Variants in LRP12 observed in about 807,000 individuals in gnomAD.
LRP12 encodes the protein low-density lipoprotein receptor-related protein 12.
LRP12 carries 14 observed loss-of-function variants against 66.0 expected under a neutral mutation model. The observed-to-expected ratio is 0.21, with a 90% CI of 0.14 to 0.33. LRP12 has a LOEUF of 0.33. Among genes scored for constraint, LRP12 ranks in the 10% least tolerant of loss-of-function variants. The probability of loss-of-function intolerance (pLI) is 1.00; values close to 1 mark genes in which losing one functional copy is unlikely to be tolerated. For synonymous variants in LRP12, 357 were observed against 359.1 expected, an observed-to-expected ratio of 0.99 and a Z score of 0.07; for missense variants, 889 against 1,053.4, an observed-to-expected ratio of 0.84 and a Z score of 2.16.
intron 1 of LRP12, among the ~76,000 whole-genome samples, chr8:104,556,862 C>A (rs1811817953): frequency 1.3e-5 from 2 of 152,094 alleles, no homozygotes; most frequent in African/African-American, 4.8e-5. Context: ...CAAAAACCCC[C>A]AACAAAATAC....
intron 1 of LRP12, among the ~76,000 whole-genome samples, chr8:104,564,454 A>C (rs1248109138): frequency 6.6e-6 from 1 of 152,070 alleles, no homozygotes; most frequent in East Asian, 1.9e-4. Flanking sequence ...TTATGTACAA[A>C]ATTTTCTGTG....
intron 2 of LRP12, among the ~76,000 whole-genome samples, chr8:104,529,023 G>T (rs1312570780): frequency 6.6e-6 from 1 of 152,150 alleles, no homozygotes; most frequent in Non-Finnish European, 1.5e-5. Context: ...CACACATTTT[G>T]TTATGGCCTG....
At chr8:104,512,162 C>A (rs1365990966) in intron 2 of LRP12, among the ~76,000 whole-genome samples, 1 of 152,076 alleles carries the variant, frequency 6.6e-6, no homozygotes, top group Non-Finnish European at 1.5e-5. Context: ...ACTAAAAGTA[C>A]AGAAATTAGC....
At chr8:104,560,071 A>G (rs968071835) in intron 1 of LRP12, among the ~76,000 whole-genome samples, 10 of 152,180 alleles carry the variant, frequency 6.6e-5, no homozygotes, top group Non-Finnish European at 1.2e-4. Context: ...GTCTTATTAT[A>G]AAGATCATGC....
At chr8:104,573,162 A>G (rs944313963) in intron 1 of LRP12, among the ~76,000 whole-genome samples, 3 of 152,184 alleles carry the variant, frequency 2.0e-5, no homozygotes, top group Non-Finnish European at 2.9e-5. Flanking sequence ...CATCCTTTGT[A>G]CCTGGGCAAA....
At chr8:104,555,638 C>A (rs1035882411) in intron 1 of LRP12, among the ~76,000 whole-genome samples, 1 of 152,116 alleles carries the variant, frequency 6.6e-6, no homozygotes, top group East Asian at 1.9e-4. Context: ...ATGCACCTAA[C>A]ACTGGAGCTC....
intron 1 of LRP12, among the ~76,000 whole-genome samples, chr8:104,575,029 A>G (rs6468937): frequency 0.057 from 8,664 of 152,192 alleles, 684 homozygotes; most frequent in African/African-American, 0.18. Flanking sequence ...TAAGGCAGGC[A>G]GAGGGAACAG....
intron 1 of LRP12, among the ~76,000 whole-genome samples, chr8:104,547,680 G>A (rs1159140635): frequency 1.7e-5 from 2 of 119,490 alleles, no homozygotes; most frequent in African/African-American, 6.7e-5. Flanking sequence ...ATTATATTTT[G>A]TATAATATAA....
intron 1 of LRP12, among the ~76,000 whole-genome samples, chr8:104,572,686 A>C (rs1270738852): frequency 6.6e-6 from 1 of 152,030 alleles, no homozygotes; most frequent in Admixed American, 6.5e-5. Context: ...TATAAATTTA[A>C]AGCAAATATG....
intron 2 of LRP12, among the ~76,000 whole-genome samples, chr8:104,530,348 G>A (rs1473959695): frequency 1.3e-5 from 2 of 152,102 alleles, no homozygotes; most frequent in South Asian, 2.1e-4. Context: ...GGTAACTGAG[G>A]TTAAATGAGG....
intron 1 of LRP12, among the ~76,000 whole-genome samples, chr8:104,564,633 A>G (rs1189558132): frequency 1.3e-5 from 2 of 152,078 alleles, no homozygotes; most frequent in African/African-American, 4.8e-5. Context: ...TCATTATGAA[A>G]AAAAAAAGAA....
In LRP12 at chr8:104,535,514, G is replaced by A. The variant is rs77378075; in HGVS notation, c.80-3551C>T. Among the ~76,000 whole-genome samples, 1,667 of 151,928 alleles carry A rather than the reference G, an allele frequency of 0.011. 105 individuals carry two copies. In the East Asian group the frequency reaches 0.17, roughly 16 times the overall value. ...ACTTTGTCTTCTTTTATATATTTCT[G>A]TCCTTTTTATTTAAGAACTAAAGTT... is the stretch of plus-strand genomic sequence containing the variant. On this transcript the variant is annotated intron_variant, in intron 1 of 6. Coordinates refer to ENST00000276654, the MANE Select transcript of LRP12 (RefSeq NM_013437.5).
chr8:104,521,611 T>TTA lies in LRP12; in HGVS notation c.136+10294_136+10295dup, dbSNP rs139052006. On this transcript the variant is annotated intron_variant, in intron 2 of 6. Coordinates refer to ENST00000276654, the MANE Select transcript of LRP12 (RefSeq NM_013437.5). Reference sequence around the variant, plus strand: ...TTATTAGCATCCTATAGTAATGTTTTTATATATATATATATCAAGAATTTA... The same window carrying TTA: ...TTATTAGCATCCTATAGTAATGTTTTTATATATATATATATATCAAGAATTTA... Among the ~76,000 whole-genome samples, 545 of 150,264 alleles carry TTA rather than the reference T, an allele frequency of 3.6e-3. 1 individual carries two copies. The highest frequency in any genetic ancestry group is 8.8e-3 in the African/African-American group (364 of 41,174).
intron 1 of LRP12, among the ~76,000 whole-genome samples, chr8:104,588,570 C>T (rs1050834624): frequency 2.7e-4 from 41 of 152,168 alleles, no homozygotes; most frequent in Non-Finnish European, 5.4e-4. Context: ...CCTCGCTCCG[C>T]CGGGGCCCTC....
chr8:104,577,525 A>T (rs1812183665), intron 1 of LRP12, among the ~76,000 whole-genome samples: 1 of 152,182 alleles, frequency 6.6e-6, no homozygotes, highest in East Asian at 1.9e-4. Flanking sequence ...AGTTCTTGGA[A>T]ACAGGCCGGG....
In LRP12 at chr8:104,558,805, T is replaced by C. The variant is rs184701191; in HGVS notation, c.80-26842A>G. Among the ~76,000 whole-genome samples, 34 of 149,488 alleles carry C rather than the reference T, an allele frequency of 2.3e-4. 1 individual carries two copies. The highest frequency in any genetic ancestry group is 8.3e-4 in the African/African-American group (34 of 40,906). On this transcript the variant is annotated intron_variant, in intron 1 of 6. Coordinates refer to ENST00000276654, the MANE Select transcript of LRP12 (RefSeq NM_013437.5). ...TTGAAAAGTCTGCTAAGGACATGAA[T>C]AAACAATTCTTTAAAGAAGATATAC...
At chr8:104,542,871 AGAG>A (rs367660746) in intron 1 of LRP12, among the ~76,000 whole-genome samples, 2 of 151,882 alleles carry the variant, frequency 1.3e-5, no homozygotes, top group African/African-American at 4.8e-5. Flanking sequence ...GTGAGTAGGC[AGAG>A]GAGGAGGAGG....
At position 104,491,289 on chromosome 8, in the gene LRP12, G is replaced by A; in HGVS notation, c.1964C>T (p.Thr655Ile). Residue 655 changes from threonine (T) to isoleucine (I), a missense_variant, in exon 7 of 7, where the codon ACA (threonine) becomes ATA (isoleucine). Transcript: ENST00000276654. ...ATCTCTTCTCTCATTTTCTGTGTCT[G>A]TATCATCAGACTCCACGGAAAACAA... ...RSLFSVESDD[T>I]DTENERRDMA... is the part of the protein sequence containing the mutation. 2 of 1,614,112 alleles carry A rather than the reference G, an allele frequency of 1.2e-6. No homozygotes were observed. Among genetic ancestry groups the A allele is most frequent in the Non-Finnish European group, 1.7e-6 (2 of 1,180,026 alleles).
intron 5 of LRP12, chr8:104,495,556 T>C (rs1358285149): frequency 6.0e-6 from 1 of 166,034 alleles, no homozygotes; most frequent in African/African-American, 2.4e-5. Context: ...TGCGCCCAGC[T>C]GGGATCTTTG....
Sources: gnomAD v4.1 joint callset for allele counts (sites outside exome capture counted in the v4.1 genomes callset) on GRCh38, gnomAD v4.1.1 for gene constraint, MANE v1.5 for transcripts, NCBI Gene and HGNC (gene_info 2026-07-23, HGNC 2026-07-21) for gene names.